Variants in ARID1B observed in about 807,000 individuals in gnomAD.
ARID1B encodes the protein AT-rich interactive domain-containing protein 1B.
ARID1B carries 30 observed loss-of-function variants against 212.3 expected under a neutral mutation model. The observed-to-expected ratio is 0.14, with a 90% CI of 0.11 to 0.19. The LOEUF (loss-of-function observed/expected upper bound fraction) is 0.19. Ranked by LOEUF, ARID1B falls within the 10% of genes least tolerant of loss-of-function variation. The pLI is 1.00. For synonymous variants in ARID1B, 1,402 were observed against 1,301.7 expected, an observed-to-expected ratio of 1.08 and a Z score of -1.66; for missense variants, 2,891 against 3,204.0, an observed-to-expected ratio of 0.90 and a Z score of 2.36.
At chr6:156,834,636 C>T (rs906117023) in intron 2 of ARID1B, among the ~76,000 whole-genome samples, 1 of 152,166 alleles carries the variant, frequency 6.6e-6, no homozygotes, top group Non-Finnish European at 1.5e-5. Flanking sequence ...TATGAAATTT[C>T]ACTATGTTGT....
Position 157,099,209 on chromosome 6 carries a change from A to G in ARID1B, c.2492-11263A>G, listed in dbSNP as rs373449641. ...GCAATCTGCCTGCCTTGGCTTCCTGAAGTGCTGGGATTACAAGCGTGAGCC... is the reference window on the plus strand; with the variant it reads ...GCAATCTGCCTGCCTTGGCTTCCTGGAGTGCTGGGATTACAAGCGTGAGCC... On this transcript the variant is annotated intron_variant, in intron 5 of 19. Coordinates refer to ENST00000636930, the MANE Select transcript of ARID1B (RefSeq NM_001374828.1). 7.6e-4 allele frequency among the ~76,000 whole-genome samples: 115 copies of G among 152,240 alleles called. 3 individuals carry two copies. The South Asian group carries it at 0.023, about 30-fold the overall frequency.
At position 157,210,636 on chromosome 6, in the gene ARID1B, A is replaced by G. The variant is rs1218672943; in HGVS notation, c.*2745A>G. On this transcript the variant is annotated 3_prime_UTR_variant, in exon 20 of 20. Transcript: ENST00000636930. ...ACTGAGTTATTGCTTTGTCCTAAAAATTAGTCGGTTTTTTTTTTTCTATGA... is the reference window on the plus strand; with the variant it reads ...ACTGAGTTATTGCTTTGTCCTAAAAGTTAGTCGGTTTTTTTTTTTCTATGA... 4.4e-5 allele frequency: 10 copies of G among 228,698 alleles called. No individual in the cohort carries two copies. Among genetic ancestry groups the G allele is most frequent in the Non-Finnish European group, 7.7e-5 (9 of 116,894 alleles). The allele number at this position is 228,698 out of a possible 1,614,324, so 14.2% of individuals were successfully genotyped here.
chr6:157,036,868 G>C, intron 4 of ARID1B: 2 of 501,184 alleles, frequency 4.0e-6, no homozygotes, highest in Non-Finnish European at 7.9e-6. Flanking sequence ...TGCAGCCTTT[G>C]GACTCAAGGT....
chr6:156,790,702 G>A (rs904451131), intron 1 of ARID1B, among the ~76,000 whole-genome samples: 1 of 152,114 alleles, frequency 6.6e-6, no homozygotes, highest in Non-Finnish European at 1.5e-5. Context: ...ACCTGAATTG[G>A]CTGATGCAGA....
At chr6:156,962,286 G>A (rs530688516) in intron 4 of ARID1B, among the ~76,000 whole-genome samples, 1 of 152,256 alleles carries the variant, frequency 6.6e-6, no homozygotes, top group Non-Finnish European at 1.5e-5. Flanking sequence ...GCGACAGGGC[G>A]AGGCTCTGTC....
chr6:156,866,991 A>G (rs952767013), intron 2 of ARID1B, among the ~76,000 whole-genome samples: 1 of 152,254 alleles, frequency 6.6e-6, no homozygotes, highest in Non-Finnish European at 1.5e-5. Context: ...TTTTCCCTGT[A>G]CATGAATAGC....
Position 156,779,352 on chromosome 6 carries a change from T to TTGGGCA in ARID1B, c.1673_1678dup (p.Gly559_Lys560insMetGly). 8.2e-7 allele frequency: 1 copy of TTGGGCA among 1,226,798 alleles called. No individual in the cohort carries two copies. Among genetic ancestry groups the TTGGGCA allele is most frequent in the Non-Finnish European group, 1.0e-6 (1 of 983,344 alleles). 76.0% of individuals were successfully genotyped at this position (1,226,798 alleles called of 1,614,324 possible). A position where few individuals can be genotyped will look rare whatever the true frequency, so the allele number is the denominator to read the frequency against. Reference sequence around the variant, plus strand: ...CCAGCAGGCGGCCGCGGGCATGGGCTTGGGCAAGGACATGGGCGCCCAGTA... The same window carrying TTGGGCA: ...CCAGCAGGCGGCCGCGGGCATGGGCTTGGGCATGGGCAAGGACATGGGCGCCCAGTA... On this transcript the variant is annotated inframe_insertion, in exon 1 of 20. Coordinates refer to ENST00000636930, the MANE Select transcript of ARID1B (RefSeq NM_001374828.1).
chr6:157,030,282 T>C (rs1780947007), intron 4 of ARID1B: 1 of 152,300 alleles, frequency 6.6e-6, no homozygotes, highest in Non-Finnish European at 1.5e-5. Flanking sequence ...TGGTTGGTTG[T>C]GTTTCAAGAG....
At chr6:157,070,405 A>T (rs1036612353) in intron 4 of ARID1B, among the ~76,000 whole-genome samples, 1 of 152,210 alleles carries the variant, frequency 6.6e-6, no homozygotes, top group South Asian at 2.1e-4. Context: ...TAGTATACTG[A>T]CACCTCCTTT....
chr6:157,196,943 C>T (rs1269349997), intron 16 of ARID1B, among the ~76,000 whole-genome samples: 1 of 152,202 alleles, frequency 6.6e-6, no homozygotes, highest in Non-Finnish European at 1.5e-5. Context: ...GTTAAAATGG[C>T]AAGTTCAGCT....
intron 1 of ARID1B, among the ~76,000 whole-genome samples, chr6:156,792,716 G>GTA (rs1280031258): frequency 3.3e-5 from 5 of 152,182 alleles, no homozygotes; most frequent in African/African-American, 1.2e-4. Context: ...GAGTGCTTTT[G>GTA]TATAGCTTTC....
Position 157,209,389 on chromosome 6 carries a change from AC to A in ARID1B, c.*1500del, listed in dbSNP as rs561157807. The A allele has an allele frequency of 6.4e-4, 149 of 232,464 alleles. No individual in the cohort carries two copies. Among genetic ancestry groups the A allele is most frequent in the Middle Eastern group, 5.2e-3 (4 of 772 alleles). The allele number at this position is 232,464 out of a possible 1,614,324, so 14.4% of individuals were successfully genotyped here. A position where few individuals can be genotyped will look rare whatever the true frequency, so the allele number is the denominator to read the frequency against. ...TTATAAAACCCTACATTTGGAAGAG[AC>A]CTTTAGGGGTTACCTACTTTAGAGT... is the stretch of plus-strand genomic sequence containing the variant. On this transcript the variant is annotated 3_prime_UTR_variant, in exon 20 of 20. Transcript: ENST00000636930.
At chr6:157,181,221 GA>G in intron 12 of ARID1B, 43 bp downstream of exon 12, 1 of 1,600,870 alleles carries the variant, frequency 6.2e-7, no homozygotes, top group Non-Finnish European at 8.6e-7. Context: ...AAGCATTGTG[GA>G]TAAGTTCTTA....
intron 2 of ARID1B, among the ~76,000 whole-genome samples, chr6:156,843,857 C>T (rs889612146): frequency 5.3e-5 from 8 of 152,094 alleles, no homozygotes; most frequent in Non-Finnish European, 1.2e-4. Flanking sequence ...GGAGCAGACA[C>T]GTACCAGGTA....
chr6:157,201,598 A>T lies in ARID1B; in HGVS notation c.5263+110A>T. ...ATCTTAAAGGGATGAAAAAATTATGACTAGAAGTTATCAAGATGCGTTTTT... is the reference window on the plus strand; with the variant it reads ...ATCTTAAAGGGATGAAAAAATTATGTCTAGAAGTTATCAAGATGCGTTTTT... On this transcript the variant is annotated intron_variant, in intron 18 of 19. Coordinates refer to ENST00000636930, the MANE Select transcript of ARID1B (RefSeq NM_001374828.1). This position sits in a 1 kb window ranked among gnomAD's most constrained non-coding sequence, Gnocchi z 5.2. 1 of 1,262,782 alleles carries T rather than the reference A, an allele frequency of 7.9e-7. No homozygotes were observed. The highest frequency in any genetic ancestry group is 1.8e-5 in the South Asian group (1 of 54,314). The allele number at this position is 1,262,782 out of a possible 1,614,324, so 78.2% of individuals were successfully genotyped here.
chr6:157,044,131 A>G (rs1246358936), intron 4 of ARID1B, among the ~76,000 whole-genome samples: 2 of 152,220 alleles, frequency 1.3e-5, no homozygotes, highest in African/African-American at 4.8e-5. Context: ...CTGTTGTTTA[A>G]TTGTCTTAAT....
At chr6:156,832,220 G>C (rs1345214601) in intron 2 of ARID1B, among the ~76,000 whole-genome samples, 1 of 152,156 alleles carries the variant, frequency 6.6e-6, no homozygotes, top group African/African-American at 2.4e-5. Context: ...GTTCTTTGGG[G>C]AGGAATTTTC....
At chr6:157,198,050 C>A (rs1793850713) in intron 16 of ARID1B, among the ~76,000 whole-genome samples, 1 of 152,136 alleles carries the variant, frequency 6.6e-6, no homozygotes, top group African/African-American at 2.4e-5. Context: ...GTATATTAAA[C>A]CAATGTATTT....
intron 4 of ARID1B, chr6:156,976,898 A>T (rs1284157571): frequency 1.8e-6 from 1 of 566,772 alleles, no homozygotes; most frequent in African/African-American, 1.9e-5. Context: ...ACAAGTGTGG[A>T]GTGATCAGCC....
Sources: allele counts gnomAD v4.1 joint callset (sites outside exome capture counted in the v4.1 genomes callset), GRCh38; gene constraint gnomAD v4.1.1; non-coding constraint Gnocchi (gnomAD v3.1); transcripts MANE v1.5; gene names NCBI Gene and HGNC (gene_info 2026-07-23, HGNC 2026-07-21).